Variants in KIF1A observed in about 807,000 individuals in gnomAD.
KIF1A encodes the protein kinesin family member 1A.
Under a neutral mutation model 227.3 loss-of-function variants are expected in KIF1A, and 46 were observed. The ratio of observed to expected loss-of-function variants is 0.20; its 90% CI spans 0.16 to 0.26. The LOEUF (loss-of-function observed/expected upper bound fraction) is 0.26, where lower values mean the gene tolerates loss of function less well. KIF1A is among the 10% of genes least tolerant of loss of function. The pLI, the probability that KIF1A is intolerant of heterozygous loss-of-function variation, is 1.00. For missense variants in KIF1A, 1,683 were observed against 2,485.9 expected, an observed-to-expected ratio of 0.68 and a Z score of 6.87; for synonymous variants, 1,022 against 1,012.8, an observed-to-expected ratio of 1.01 and a Z score of -0.17.
intron 29 of KIF1A, among the ~76,000 whole-genome samples, chr2:240,746,927 G>C (rs538952650): frequency 1.3e-5 from 2 of 152,318 alleles, no homozygotes; most frequent in African/African-American, 4.8e-5. Context: ...AGGGAGACAG[G>C]GTGGGGGTGG....
chr2:240,743,965 C>G lies in KIF1A; in HGVS notation c.3561G>C (p.Pro1187=), dbSNP rs375702153. ...ACCTGAGCACGTCCTTGCAGAGGGG[C>G]GGGAACGGGTGCTGCTGGTAGTGGC... The part of the protein sequence containing the change: ...VFGHYQQHPF[P]PLCKDVLSPL... Residue 1187 remains proline (P), a synonymous_variant, in exon 33 of 49, where the codon CCG becomes CCC. Coordinates refer to ENST00000498729, the MANE Select transcript of KIF1A (RefSeq NM_001244008.2). 1 of 1,613,294 alleles carries G rather than the reference C, an allele frequency of 6.2e-7. No individual in the cohort carries two copies. The highest frequency in any genetic ancestry group is 1.7e-5 in the Admixed American group (1 of 60,022).
Position 240,745,410 on chromosome 2 carries a change from A to C in KIF1A, c.3465+17T>G. 2.5e-6 allele frequency: 4 copies of C among 1,590,128 alleles called. No individual in the cohort carries two copies. The highest frequency in any genetic ancestry group is 3.5e-6 in the Non-Finnish European group (4 of 1,158,892). ...TCAGTCAGTGGCAGGGATGGGGAGA[A>C]GTGCCCAGGAACGTACGTTCTGGAC... On this transcript the variant is annotated intron_variant, in intron 32 of 48. Transcript: ENST00000498729.
chr2:240,755,169 AC>A (rs1165588853), intron 27 of KIF1A, among the ~76,000 whole-genome samples: 1 of 152,142 alleles, frequency 6.6e-6, no homozygotes, highest in Non-Finnish European at 1.5e-5. Context: ...GGTGCCCCAG[AC>A]CGCCAGAGGC....
rs867468576 is a variant in KIF1A, at chr2:240,807,126, G to A, written c.-60-9314C>T. ...TGTGTGTGTGTGTGTGTGTGTGTGT[G>A]TGTGTATATATATATATATATATAT... On this transcript the variant is annotated intron_variant, in intron 1 of 48. Coordinates refer to ENST00000498729, the MANE Select transcript of KIF1A (RefSeq NM_001244008.2). Among the ~76,000 whole-genome samples the A allele has an allele frequency of 5.8e-3, 582 of 100,904 alleles. 3 individuals carry two copies. The highest frequency in any genetic ancestry group is 0.016 in the African/African-American group (381 of 23,156). The allele number at this position is 100,904 out of a possible 152,430, so 66.2% of individuals were successfully genotyped here. A position where few individuals can be genotyped will look rare whatever the true frequency, so the allele number is the denominator to read the frequency against.
intron 1 of KIF1A, among the ~76,000 whole-genome samples, chr2:240,817,999 GCT>G (rs532306921): frequency 1.3e-3 from 202 of 152,342 alleles, no homozygotes; most frequent in Middle Eastern, 6.8e-3. Context: ...TGGCTGGCCG[GCT>G]GGAGCCCCAG....
chr2:240,745,622 C>T (rs1298953344), intron 31 of KIF1A, 105 bp from the exon 32 acceptor site: 16 of 1,474,606 alleles, frequency 1.1e-5, no homozygotes, highest in South Asian at 8.7e-5. Flanking sequence ...TCAGGGCCTG[C>T]GGGCTGGGCC....
chr2:240,802,860 G>C (rs1275019660), intron 1 of KIF1A, among the ~76,000 whole-genome samples: 2 of 152,074 alleles, frequency 1.3e-5, no homozygotes, highest in African/African-American at 2.4e-5. Flanking sequence ...GGGCTCCTGG[G>C]CTCAAATGAT....
In KIF1A at chr2:240,719,758, G is replaced by A. The variant is rs138847355; in HGVS notation, c.5021+16C>T. 2,878 of 1,541,020 alleles carry A rather than the reference G, an allele frequency of 1.9e-3. 37 individuals carry two copies. In the African/African-American group the frequency reaches 0.025, roughly 13 times the overall value. ...ACAGAGCTGGTGGCGGTGCTTTCCA[G>A]GGAGGCCCCACACACCTGACTCGGA... On this transcript the variant is annotated intron_variant, in intron 46 of 48. Coordinates refer to ENST00000498729, the MANE Select transcript of KIF1A (RefSeq NM_001244008.2).
intron 10 of KIF1A, chr2:240,782,009 C>T (rs375000587): frequency 1.1e-5 from 11 of 985,324 alleles, no homozygotes; most frequent in Non-Finnish European, 1.3e-5. Flanking sequence ...CCCGTGGTGG[C>T]GCCCGCCCTG....
rs1187764562 is a variant in KIF1A, at chr2:240,807,128, G to GTATATATATATA, written c.-60-9317_-60-9316insTATATATATATA. 1.8e-3 allele frequency among the ~76,000 whole-genome samples: 167 copies of GTATATATATATA among 91,040 alleles called. 3 individuals are homozygous for GTATATATATATA. Among genetic ancestry groups the GTATATATATATA allele is most frequent in the African/African-American group, 7.0e-3 (163 of 23,326 alleles). 59.7% of individuals were successfully genotyped at this position (91,040 alleles called of 152,430 possible). On this transcript the variant is annotated intron_variant, in intron 1 of 48. Coordinates refer to ENST00000498729, the MANE Select transcript of KIF1A (RefSeq NM_001244008.2). ...TGTGTGTGTGTGTGTGTGTGTGTGT[G>GTATATATATATA]TGTATATATATATATATATATATAC...
chr2:240,806,596 G>A (rs2057423041), intron 1 of KIF1A, among the ~76,000 whole-genome samples: 1 of 152,156 alleles, frequency 6.6e-6, no homozygotes. Context: ...CTTCAAGTAA[G>A]TTAAGCGCCT....
Position 240,720,926 on chromosome 2 carries a change from G to T in KIF1A, c.4856C>A (p.Ala1619Asp). 6.3e-7 allele frequency: 1 copy of T among 1,575,270 alleles called. No homozygotes were observed. The highest frequency in any genetic ancestry group is 8.6e-7 in the Non-Finnish European group (1 of 1,159,492). ...CPSLVEGRYG[A>D]TDLRTPQPCS... ...GGAGCTCACTCACCTCAGGTCAGTG[G>T]CACCGTACCGCCCTTCAACCAGAGA... is the stretch of plus-strand genomic sequence containing the variant. The change falls in exon 45 of 49, where the codon GCC (alanine) becomes GAC (aspartate). Residue 1619 changes from alanine to aspartate, a missense_variant. This residue lies in a region of KIF1A where 384 missense variants were observed against 410.1 expected (regional missense o/e 0.94). Transcript: ENST00000498729.
rs1454271542 is a variant in KIF1A at position 240,766,749 on chromosome 2, T to TCTCTCTCTCTCTCACACA, written c.1684+165_1684+166insTGTGTGAGAGAGAGAGAG. Among the ~76,000 whole-genome samples, 43 of 109,014 alleles carry TCTCTCTCTCTCTCACACA rather than the reference T, an allele frequency of 3.9e-4. No homozygotes were observed. Among genetic ancestry groups the TCTCTCTCTCTCTCACACA allele is most frequent in the African/African-American group, 1.7e-3 (40 of 24,156 alleles). 71.5% of individuals were successfully genotyped at this position (109,014 alleles called of 152,430 possible). A position where few individuals can be genotyped will look rare whatever the true frequency, so the allele number is the denominator to read the frequency against. On this transcript the variant is annotated intron_variant, in intron 19 of 48. Coordinates refer to ENST00000498729, the MANE Select transcript of KIF1A (RefSeq NM_001244008.2). The surrounding 1 kb of genome is among the most constrained non-coding windows in gnomAD (Gnocchi z 5.0). ...CTCTCTCTCTCTCTCTCTCTCTCTCTCACACACACACACACACACACACAC... is the reference window on the plus strand; with the variant it reads ...CTCTCTCTCTCTCTCTCTCTCTCTCTCTCTCTCTCTCTCACACACACACACACACACACACACACACAC...
chr2:240,818,292 C>T (rs1437963928), intron 1 of KIF1A, among the ~76,000 whole-genome samples: 1 of 152,292 alleles, frequency 6.6e-6, no homozygotes, highest in East Asian at 1.9e-4. Context: ...AGCACCCTCC[C>T]GAGACTTCAC....
rs557333481 is a variant in KIF1A at position 240,772,066 on chromosome 2, G to A, written c.1207+504C>T. Among the ~76,000 whole-genome samples, 22 of 152,330 alleles carry A rather than the reference G, an allele frequency of 1.4e-4. No individual in the cohort carries two copies. In the Middle Eastern group the frequency reaches 0.014, roughly 94 times the overall value. ...GGTTGGGTGGGATTTGGCAGTATCC[G>A]CTGTGAAAGCTGAGCTTCTGGCATT... is the stretch of plus-strand genomic sequence containing the variant. On this transcript the variant is annotated intron_variant, in intron 14 of 48. Coordinates refer to ENST00000498729, the MANE Select transcript of KIF1A (RefSeq NM_001244008.2).
rs1177964009 is a variant in KIF1A, at chr2:240,760,751, C to T, written c.2358G>A (p.Thr786=). 1.3e-5 allele frequency: 21 copies of T among 1,600,758 alleles called. 1 individual carries two copies. The Middle Eastern group carries it at 6.6e-4, about 51-fold the overall frequency. ...CCACAATGGTGCGGGGGAAGGGCCG[C>T]GTCTCTCGGTCTTTGGCGGCCTCTG... The part of the protein sequence containing the change: ...LPPEAAKDRE[T]RPFPRTIVAV... Residue 786 remains threonine, a synonymous_variant, in exon 25 of 49, where the codon ACG becomes ACA. Transcript: ENST00000498729.
intron 1 of KIF1A, among the ~76,000 whole-genome samples, chr2:240,807,130 G>GTGTGTATATATA (rs1356399506): frequency 8.4e-6 from 1 of 119,450 alleles, no homozygotes; most frequent in African/African-American, 3.0e-5. Flanking sequence ...GTGTGTGTGT[G>GTGTGTATATATA]TATATATATA....
chr2:240,738,934 G>C (rs1341011309), intron 37 of KIF1A, among the ~76,000 whole-genome samples: 5 of 152,234 alleles, frequency 3.3e-5, no homozygotes, highest in South Asian at 4.1e-4. Context: ...CTACCGTGTG[G>C]CCGGGTCCAT....
At chr2:240,772,307 T>C (rs908029241) in intron 14 of KIF1A, among the ~76,000 whole-genome samples, 3 of 152,188 alleles carry the variant, frequency 2.0e-5, no homozygotes, top group Non-Finnish European at 2.9e-5. Flanking sequence ...AGCGACACCC[T>C]GACTCCCCCG....
Sources: allele counts gnomAD v4.1 joint callset (sites outside exome capture counted in the v4.1 genomes callset), GRCh38; gene constraint gnomAD v4.1.1; regional missense constraint gnomAD v4.1.1; non-coding constraint Gnocchi (gnomAD v3.1); transcripts MANE v1.5; gene names NCBI Gene and HGNC (gene_info 2026-07-23, HGNC 2026-07-21).